The following TMEM278 variants were observed in gnomAD, a reference collection of about 807,000 sequenced individuals.
TMEM278 encodes the protein transmembrane protein 88B.
the TMEM278 span, chr1:1,426,267 T>C: frequency 1.5e-5 from 23 of 1,491,682 alleles, 1 homozygote; most frequent in Middle Eastern, 1.7e-3. Context: ...CCCCCGCTGC[T>C]GCCCGGCCGG....
At chr1:1,429,611 G>C in the TMEM278 span, among the ~76,000 whole-genome samples, 1 of 152,108 alleles carries the variant, frequency 6.6e-6, no homozygotes, top group Non-Finnish European at 1.5e-5. Context: ...TTGTTTAATT[G>C]TCAGCTGTTA....
At chr1:1,426,361 C>A in the TMEM278 span, 1 of 1,432,054 alleles carries the variant, frequency 7.0e-7, no homozygotes, top group Non-Finnish European at 9.2e-7. Context: ...CCGTCGTCTA[C>A]CTGGGATTCC....
At chr1:1,429,847 G>C in the TMEM278 span, among the ~76,000 whole-genome samples, 1 of 152,012 alleles carries the variant, frequency 6.6e-6, no homozygotes, top group African/African-American at 2.4e-5. Flanking sequence ...CATCATCCAG[G>C]CCTCCACACT....
At chr1:1,428,001 G>A in the TMEM278 span, among the ~76,000 whole-genome samples, 1 of 99,716 alleles carries the variant, frequency 1.0e-5, no homozygotes, top group Non-Finnish European at 2.4e-5. Flanking sequence ...GGGGAAGAGA[G>A]GGGAGGGGAG....
the TMEM278 span, among the ~76,000 whole-genome samples, chr1:1,429,856 C>G: frequency 6.6e-6 from 1 of 152,054 alleles, no homozygotes; most frequent in East Asian, 1.9e-4. Flanking sequence ...GGCCTCCACA[C>G]TACTCTGTCT....
the TMEM278 span, chr1:1,426,162 A>AGGG: frequency 1.4e-6 from 2 of 1,408,986 alleles, no homozygotes; most frequent in Non-Finnish European, 1.9e-6. Flanking sequence ...GAGGAGGAGG[A>AGGG]GGGGGGAGGT....
the TMEM278 span, among the ~76,000 whole-genome samples, chr1:1,427,153 C>T: frequency 6.7e-6 from 1 of 148,420 alleles, no homozygotes; most frequent in African/African-American, 2.5e-5. Context: ...TCTCTATCGC[C>T]CACTCCTCTC....
the TMEM278 span, among the ~76,000 whole-genome samples, chr1:1,429,171 AAAAC>A: frequency 4.6e-5 from 7 of 151,846 alleles, no homozygotes; most frequent in Non-Finnish European, 1.5e-5. Flanking sequence ...CTCCATCTTA[AAAAC>A]AAACAAAAAA....
At chr1:1,427,333 TCCCCTTCCCCTCCATCACCCTGCCCTG>T in the TMEM278 span, among the ~76,000 whole-genome samples, 13 of 48,976 alleles carry the variant, frequency 2.7e-4, no homozygotes, top group Admixed American at 1.3e-3. Context: ...CCTCCGCGCC[TCCCCTTCCCCTCCATCACCCTGCCCTG>T]CCCCTTCCCC....
the TMEM278 span, among the ~76,000 whole-genome samples, chr1:1,429,153 G>C: frequency 6.6e-6 from 1 of 151,626 alleles, no homozygotes; most frequent in Non-Finnish European, 1.5e-5. Context: ...TGGACAACAA[G>C]AGCAAGACTC....
the TMEM278 span, among the ~76,000 whole-genome samples, chr1:1,429,399 G>C: frequency 6.6e-6 from 1 of 151,656 alleles, no homozygotes; most frequent in Admixed American, 6.6e-5. Context: ...TTGTGTTTTA[G>C]ATTTGTCTGA....
chr1:1,426,054 C>T, the TMEM278 span: 1 of 1,282,082 alleles, frequency 7.8e-7, no homozygotes, highest in Non-Finnish European at 9.9e-7. Context: ...GGTTAAAGGT[C>T]TTCCAGGGCA....
the TMEM278 span, chr1:1,426,114 G>C: frequency 7.2e-7 from 1 of 1,385,760 alleles, no homozygotes; most frequent in African/African-American, 1.5e-5. Flanking sequence ...CCACAGGCCT[G>C]CAGTGGCAGG....
the TMEM278 span, among the ~76,000 whole-genome samples, chr1:1,427,065 T>TCCCTCCATCTCCC: frequency 8.5e-6 from 1 of 117,406 alleles, no homozygotes; most frequent in Non-Finnish European, 1.8e-5. Context: ...TAATCCTTCA[T>TCCCTCCATCTCCC]CCCTCCATCT....
the TMEM278 span, chr1:1,427,779 T>C: frequency 5.8e-6 from 8 of 1,370,042 alleles, no homozygotes; most frequent in Non-Finnish European, 7.5e-6. Flanking sequence ...ACTCTGCGCC[T>C]GGGTGTGACC....
the TMEM278 span, chr1:1,426,401 G>A: frequency 1.6e-5 from 22 of 1,359,104 alleles, no homozygotes; most frequent in South Asian, 1.0e-4. Context: ...CCTGTGCCCC[G>A]TGGGCGGGGG....
At chr1:1,429,368 AT>A in the TMEM278 span, among the ~76,000 whole-genome samples, 7 of 152,160 alleles carry the variant, frequency 4.6e-5, no homozygotes, top group African/African-American at 1.7e-4. Context: ...AAAGGTTAGC[AT>A]ATCTAAAAGT....
the TMEM278 span, among the ~76,000 whole-genome samples, chr1:1,427,034 G>A: frequency 3.3e-5 from 2 of 60,030 alleles, no homozygotes; most frequent in African/African-American, 1.4e-4. Flanking sequence ...TCCCCGCCCT[G>A]CCTCTCCTTC....
chr1:1,427,129 G>A, the TMEM278 span, among the ~76,000 whole-genome samples: 207 of 88,046 alleles, frequency 2.4e-3, 1 homozygote, highest in Non-Finnish European at 2.9e-3. Context: ...CTACCGCCCC[G>A]CCCCGCTCTT....
Sources: gnomAD v4.1 joint callset for allele counts (sites outside exome capture counted in the v4.1 genomes callset) on GRCh38, gnomAD v4.1.1 for gene constraint, MANE v1.5 for transcripts, NCBI Gene and HGNC (gene_info 2026-07-23, HGNC 2026-07-21) for gene names.